Variants in CLVS1 observed in about 807,000 individuals in gnomAD.
CLVS1 encodes clavesin-1.
Under a neutral mutation model 33.1 loss-of-function variants are expected in CLVS1, and 10 were observed. The observed-to-expected ratio is 0.30, with a 90% CI of 0.19 to 0.51. The LOEUF (loss-of-function observed/expected upper bound fraction) is 0.51, where lower values mean the gene tolerates loss of function less well. Ranked by LOEUF, CLVS1 falls within the 20% of genes least tolerant of loss-of-function variation. The pLI, the probability that CLVS1 is intolerant of heterozygous loss-of-function variation, is 0.97. For synonymous variants in CLVS1, 163 were observed against 166.1 expected (o/e 0.98, Z 0.14); for missense variants, 343 against 433.4 (o/e 0.79, Z 1.85).
the CLVS1 span, among the ~76,000 whole-genome samples, chr8:60,985,540 T>C: frequency 6.6e-6 from 1 of 152,200 alleles, no homozygotes; most frequent in Non-Finnish European, 1.5e-5. Context: ...GGCTCCACAC[T>C]ACGCTCGTTC....
chr8:61,033,161 A>AAGAG, the CLVS1 span, among the ~76,000 whole-genome samples: 3 of 92,130 alleles, frequency 3.3e-5, 1 homozygote, highest in Non-Finnish European at 6.8e-5. Context: ...GAAAGAAAGA[A>AAGAG]AAAGAAAGAA....
chr8:61,149,641 A>T (rs1295529902), intron 2 of CLVS1, among the ~76,000 whole-genome samples: 1 of 152,026 alleles, frequency 6.6e-6, no homozygotes, highest in Non-Finnish European at 1.5e-5. Flanking sequence ...TCCAATGCAG[A>T]AAAGTAGAAG....
chr8:61,224,993 A>G (rs575520050), intron 2 of CLVS1, among the ~76,000 whole-genome samples: 1 of 152,332 alleles, frequency 6.6e-6, no homozygotes, highest in East Asian at 1.9e-4. Context: ...TTACCAAAGT[A>G]ATTTCATAGT....
chr8:61,082,495 AC>A lies in CLVS1; in HGVS notation c.-243+25266del, dbSNP rs564517151. 7.0e-4 allele frequency among the ~76,000 whole-genome samples: 91 copies of A among 129,996 alleles called. No homozygotes were observed. In the South Asian group the frequency reaches 8.7e-3, roughly 12 times the overall value. 85.3% of individuals were successfully genotyped at this position (129,996 alleles called of 152,430 possible). On this transcript the variant is annotated intron_variant, in intron 1 of 2. Coordinates refer to the CLVS1 transcript ENST00000522621. Reference sequence around the variant, plus strand: ...CCAAAACAAAGAAACAAACAAACAAACAAAAACAACAACAACAACAAAAAAC... The same window carrying A: ...CCAAAACAAAGAAACAAACAAACAAAAAAAACAACAACAACAACAAAAAAC...
the CLVS1 span, among the ~76,000 whole-genome samples, chr8:61,005,884 C>T: frequency 4.6e-5 from 7 of 152,162 alleles, no homozygotes; most frequent in Non-Finnish European, 7.3e-5. Flanking sequence ...TGCAGCTGCA[C>T]CCCAGCCGAG....
chr8:61,083,587 G>C (rs978833212), intron 1 of CLVS1, among the ~76,000 whole-genome samples: 2 of 152,110 alleles, frequency 1.3e-5, no homozygotes, highest in Non-Finnish European at 2.9e-5. Flanking sequence ...GGAGATTCAA[G>C]TGCAGTACCG....
intron 1 of CLVS1, chr8:61,057,368 AC>A (rs1804493596): frequency 2.3e-4 from 2 of 8,584 alleles, no homozygotes; most frequent in African/African-American, 5.5e-3. Flanking sequence ...AGCACACTTC[AC>A]ACACACACAC....
chr8:61,479,238 C>G (rs1374758791), intron 5 of CLVS1, among the ~76,000 whole-genome samples: 1 of 152,196 alleles, frequency 6.6e-6, no homozygotes, highest in African/African-American at 2.4e-5. Flanking sequence ...TAGATTTGGT[C>G]TTTTCACATA....
chr8:61,395,256 T>A (rs1359995024), intron 3 of CLVS1, among the ~76,000 whole-genome samples: 4 of 152,062 alleles, frequency 2.6e-5, no homozygotes, highest in Non-Finnish European at 4.4e-5. Flanking sequence ...AAAAGGCAAT[T>A]TCATAGATGC....
intron 5 of CLVS1, among the ~76,000 whole-genome samples, chr8:61,459,204 A>G (rs539550655): frequency 6.6e-6 from 1 of 152,270 alleles, no homozygotes; most frequent in South Asian, 2.1e-4. Flanking sequence ...ATGGGACTGG[A>G]CATGAAATAA....
chr8:61,197,523 T>C lies in CLVS1; in HGVS notation c.-152+65663T>C, dbSNP rs548148580. On this transcript the variant is annotated intron_variant, in intron 2 of 2. Coordinates refer to the CLVS1 transcript ENST00000522621. Reference sequence around the variant, plus strand: ...TTTGTTGTTGTTGTTGTTGTTTGTTTGTTTGTTTGTTTTTGAGACAGAGTC... The same window carrying C: ...TTTGTTGTTGTTGTTGTTGTTTGTTCGTTTGTTTGTTTTTGAGACAGAGTC... Among the ~76,000 whole-genome samples the C allele has an allele frequency of 1.5e-3, 231 of 152,218 alleles. 2 individuals carry two copies. Among genetic ancestry groups the C allele is most frequent in the African/African-American group, 5.0e-3 (208 of 41,528 alleles).
chr8:61,332,324 G>T (rs113636759), intron 2 of CLVS1, among the ~76,000 whole-genome samples: 3,049 of 152,188 alleles, frequency 0.02, 92 homozygotes, highest in African/African-American at 0.069. Flanking sequence ...TGGGATCTGG[G>T]TGTTGCGCTG....
At position 61,116,329 on chromosome 8, in the gene CLVS1, A is replaced by T. The variant is rs546445845; in HGVS notation, c.-242-15441A>T. On this transcript the variant is annotated intron_variant, in intron 1 of 2. Coordinates refer to the CLVS1 transcript ENST00000522621. ...TTTTCTCCCATTTGGTTGCCTGTTC[A>T]CTCTGATGGTGGTTTCTTTTGCTGT... is the stretch of plus-strand genomic sequence containing the variant. Among the ~76,000 whole-genome samples the T allele has an allele frequency of 7.2e-5, 11 of 151,864 alleles. No individual in the cohort carries two copies. In the East Asian group the frequency reaches 2.1e-3, roughly 29 times the overall value.
intron 2 of CLVS1, among the ~76,000 whole-genome samples, chr8:61,265,398 T>C (rs1319820681): frequency 6.6e-6 from 1 of 152,232 alleles, no homozygotes; most frequent in Non-Finnish European, 1.5e-5. Context: ...TTTCCTTAAC[T>C]ATAAATGGGC....
At chr8:61,363,547 G>A (rs560618530) in intron 2 of CLVS1, among the ~76,000 whole-genome samples, 9 of 152,298 alleles carry the variant, frequency 5.9e-5, no homozygotes, top group African/African-American at 2.2e-4. Flanking sequence ...TAATTTCCCA[G>A]TGAGGCATCA....
At chr8:61,367,378 C>T (rs879427908) in intron 2 of CLVS1, among the ~76,000 whole-genome samples, 4 of 152,200 alleles carry the variant, frequency 2.6e-5, no homozygotes, top group African/African-American at 4.8e-5. Flanking sequence ...GGTGTCTACA[C>T]GCTAAGCTCT....
chr8:61,339,019 T>C (rs1221671113), intron 2 of CLVS1, among the ~76,000 whole-genome samples: 2 of 151,936 alleles, frequency 1.3e-5, no homozygotes, highest in East Asian at 3.9e-4. Context: ...TGCCTGTGTG[T>C]GTGTGTGTGT....
chr8:61,412,298 A>G (rs1815260535), intron 3 of CLVS1, among the ~76,000 whole-genome samples: 1 of 152,248 alleles, frequency 6.6e-6, no homozygotes, highest in Non-Finnish European at 1.5e-5. Flanking sequence ...ATGTACTGAC[A>G]ACCACAGAAA....
At chr8:61,463,306 T>C (rs149406249) in intron 5 of CLVS1, among the ~76,000 whole-genome samples, 1 of 152,042 alleles carries the variant, frequency 6.6e-6, no homozygotes, top group African/African-American at 2.4e-5. Flanking sequence ...ACTTTCTCCA[T>C]ATCAGCAATA....
Sources: gnomAD v4.1 joint callset for allele counts (sites outside exome capture counted in the v4.1 genomes callset) on GRCh38, gnomAD v4.1.1 for gene constraint, MANE v1.5 for transcripts, NCBI Gene and HGNC (gene_info 2026-07-23, HGNC 2026-07-21) for gene names.